The following WWC2 variants were observed in gnomAD, a reference collection of about 807,000 sequenced individuals.
The protein encoded by WWC2 is protein WWC2.
Under a neutral mutation model 138.5 loss-of-function variants are expected in WWC2, and 101 were observed. That is an observed-to-expected ratio of 0.73 (90% confidence interval 0.62 to 0.86). The LOEUF (loss-of-function observed/expected upper bound fraction) is 0.86. Among genes scored for constraint, WWC2 ranks in the 40% least tolerant of loss-of-function variants. The probability of loss-of-function intolerance (pLI) is 0.00; values close to 1 mark genes in which losing one functional copy is unlikely to be tolerated. For synonymous variants in WWC2, 558 were observed against 538.4 expected, an observed-to-expected ratio of 1.04 and a Z score of -0.50; for missense variants, 1,420 against 1,419.4, an observed-to-expected ratio of 1.00 and a Z score of -0.01.
At chr4:183,242,258 A>C (rs565483310) in intron 5 of WWC2, among the ~76,000 whole-genome samples, 4 of 152,236 alleles carry the variant, frequency 2.6e-5, no homozygotes, top group Non-Finnish European at 5.9e-5. Context: ...TCTTGATACT[A>C]TAAAGGGACT....
chr4:183,119,128 A>G (rs1732520442), intron 1 of WWC2, among the ~76,000 whole-genome samples: 1 of 152,154 alleles, frequency 6.6e-6, no homozygotes, highest in Admixed American at 6.5e-5. Context: ...TTAAACTAGC[A>G]GTGTTTACCT....
intron 5 of WWC2, among the ~76,000 whole-genome samples, chr4:183,243,135 A>G (rs1736670205): frequency 6.6e-6 from 1 of 152,200 alleles, no homozygotes; most frequent in Admixed American, 6.5e-5. Flanking sequence ...TCCTGCTTTT[A>G]TTTTTTAAAC....
At chr4:183,253,631 T>C in intron 8 of WWC2, 126 bp from the exon 9 acceptor site, 2 of 1,161,206 alleles carry the variant, frequency 1.7e-6, no homozygotes, top group Non-Finnish European at 2.4e-6. Context: ...AGACCACACC[T>C]CTTTCTGGTA....
In WWC2 at chr4:183,154,436, C is replaced by A. The variant is rs556812419; in HGVS notation, c.132-39163C>A. 6.6e-5 allele frequency among the ~76,000 whole-genome samples: 10 copies of A among 152,216 alleles called. No individual in the cohort carries two copies. The East Asian group carries it at 1.9e-3, about 29-fold the overall frequency. On this transcript the variant is annotated intron_variant, in intron 1 of 22. Coordinates refer to ENST00000403733, the MANE Select transcript of WWC2 (RefSeq NM_024949.6). ...ATGTGCCATTTCTGAAGGCCATGAT[C>A]CCCAGGGAATATCTCGTGATGACCC...
intron 11 of WWC2, among the ~76,000 whole-genome samples, chr4:183,264,722 C>T (rs978808223): frequency 2.0e-5 from 3 of 152,108 alleles, no homozygotes; most frequent in African/African-American, 4.8e-5. Flanking sequence ...GTAATTCATC[C>T]CTTCCCTTAA....
chr4:183,208,252 C>A, intron 3 of WWC2, 96 bp downstream of exon 3: 1 of 1,284,630 alleles, frequency 7.8e-7, no homozygotes, highest in Non-Finnish European at 1.1e-6. Flanking sequence ...ATTTTGAGTC[C>A]TTTTCCCTCC....
intron 16 of WWC2, among the ~76,000 whole-genome samples, chr4:183,273,748 G>C (rs1455552149): frequency 6.6e-6 from 1 of 152,168 alleles, no homozygotes; most frequent in Non-Finnish European, 1.5e-5. Flanking sequence ...CAGCACAAAA[G>C]TTTTTAATTT....
chr4:183,276,199 C>T (rs1024369124), intron 16 of WWC2, among the ~76,000 whole-genome samples: 35 of 151,896 alleles, frequency 2.3e-4, no homozygotes, highest in Admixed American at 1.4e-3. Flanking sequence ...TTCAACCTTT[C>T]TGAGATATTA....
At chr4:183,173,723 C>A (rs370254204) in intron 1 of WWC2, among the ~76,000 whole-genome samples, 1 of 151,930 alleles carries the variant, frequency 6.6e-6, no homozygotes, top group African/African-American at 2.4e-5. Flanking sequence ...CTCCACACTG[C>A]GGGGGGCCAG....
intron 1 of WWC2, among the ~76,000 whole-genome samples, chr4:183,157,790 C>T (rs1240295380): frequency 2.7e-5 from 4 of 149,672 alleles, no homozygotes; most frequent in Admixed American, 2.0e-4. Context: ...CGTGAGCCAC[C>T]GCGCCCAACT....
At chr4:183,208,185 G>A in intron 3 of WWC2, 29 bp downstream of exon 3, 1 of 1,608,544 alleles carries the variant, frequency 6.2e-7, no homozygotes, top group Non-Finnish European at 8.5e-7. Context: ...TTCAGACTTT[G>A]GAAGTGGAGA....
rs188211124 is a variant in WWC2 at position 183,120,955 on chromosome 4, G to A, written c.131+21333G>A. Reference sequence around the variant, plus strand: ...AGTAACATTGTGGCCAGGAGGGGTTGCTTACGCCTTTGATCCCAGCACTTT... The same window carrying A: ...AGTAACATTGTGGCCAGGAGGGGTTACTTACGCCTTTGATCCCAGCACTTT... On this transcript the variant is annotated intron_variant, in intron 1 of 22. Coordinates refer to ENST00000403733, the MANE Select transcript of WWC2 (RefSeq NM_024949.6). 1.9e-4 allele frequency among the ~76,000 whole-genome samples: 29 copies of A among 152,314 alleles called. No homozygotes were observed. The South Asian group carries it at 5.8e-3, about 30-fold the overall frequency.
At chr4:183,256,918 CCCCA>C (rs1391908845) in intron 9 of WWC2, among the ~76,000 whole-genome samples, 2 of 144,216 alleles carry the variant, frequency 1.4e-5, no homozygotes, top group Non-Finnish European at 3.0e-5. Context: ...CTGTTCCTGC[CCCCA>C]CAGGGCTGCA....
At chr4:183,220,183 G>T (rs1313512850) in intron 4 of WWC2, among the ~76,000 whole-genome samples, 2 of 152,132 alleles carry the variant, frequency 1.3e-5, no homozygotes, top group Admixed American at 1.3e-4. Flanking sequence ...AATGAAGTTT[G>T]GAGTGGATTT....
intron 8 of WWC2, among the ~76,000 whole-genome samples, chr4:183,251,258 G>A (rs1580110554): frequency 6.6e-6 from 1 of 152,194 alleles, no homozygotes; most frequent in South Asian, 2.1e-4. Context: ...GCCCGGCAAT[G>A]TGCCAGCTTT....
At chr4:183,246,682 A>G (rs373826607) in intron 6 of WWC2, among the ~76,000 whole-genome samples, 84 of 152,320 alleles carry the variant, frequency 5.5e-4, no homozygotes, top group African/African-American at 1.9e-3. Context: ...GCACAGAAAA[A>G]TTAAAGTTTC....
intron 16 of WWC2, among the ~76,000 whole-genome samples, chr4:183,278,223 A>T (rs1444549433): frequency 6.6e-6 from 1 of 152,046 alleles, no homozygotes; most frequent in Non-Finnish European, 1.5e-5. Context: ...AGCACCATTT[A>T]TTAAATAGGG....
rs147828210 is a variant in WWC2, at chr4:183,265,736, T to C, written c.2088T>C (p.Ile696=). ...CATACAGTGAAGAGGATGTAGCCAT[T>C]GTAGAGACCGCCCAGGTTCAGATAG... is the stretch of plus-strand genomic sequence containing the variant. ...DVTYSEEDVA[I]VETAQVQIGL... The change falls in exon 13 of 23, where the codon ATT becomes ATC. Residue 696 remains isoleucine, a synonymous_variant. Transcript: ENST00000403733. 26 of 1,611,866 alleles carry C rather than the reference T, an allele frequency of 1.6e-5. No homozygotes were observed. Among genetic ancestry groups the C allele is most frequent in the Non-Finnish European group, 1.8e-5 (21 of 1,179,032 alleles).
At chr4:183,200,877 A>G (rs977834461) in intron 2 of WWC2, among the ~76,000 whole-genome samples, 3 of 152,188 alleles carry the variant, frequency 2.0e-5, no homozygotes, top group Non-Finnish European at 4.4e-5. Context: ...TGTTCTGTTC[A>G]TTAGAAGCAA....
Sources: allele counts gnomAD v4.1 joint callset (sites outside exome capture counted in the v4.1 genomes callset), GRCh38; gene constraint gnomAD v4.1.1; transcripts MANE v1.5; gene names NCBI Gene and HGNC (gene_info 2026-07-23, HGNC 2026-07-21).